ABCG2: variants seen among roughly 807,000 people sequenced by gnomAD.
ABCG2 encodes the protein ATP binding cassette subfamily G member 2 (JR blood group).
In ABCG2, 80 loss-of-function variants were observed where a neutral mutation model predicts 73.5. That is an observed-to-expected ratio of 1.09 (90% CI 0.91 to 1.31). ABCG2 has a LOEUF of 1.31. Among genes scored for constraint, ABCG2 ranks in the 50% most tolerant of loss-of-function variants. The pLI, the probability that ABCG2 is intolerant of heterozygous loss-of-function variation, is 0.00. For synonymous variants in ABCG2, 269 were observed against 282.4 expected (o/e 0.95, Z 0.48); for missense variants, 796 against 786.2 (o/e 1.01, Z -0.15).
intron 1 of ABCG2, among the ~76,000 whole-genome samples, chr4:88,183,085 A>G (rs1728322428): frequency 8.2e-5 from 1 of 12,130 alleles, no homozygotes; most frequent in Non-Finnish European, 1.5e-4. Context: ...ACTCCGTCTC[A>G]TAAAAAAAAA....
chr4:88,230,340 T>C (rs1730415500), intron 1 of ABCG2, among the ~76,000 whole-genome samples: 2 of 136,750 alleles, frequency 1.5e-5, no homozygotes, highest in Admixed American at 7.2e-5. Context: ...TATATATATA[T>C]ATATATTTTT....
At chr4:88,123,595 G>A (rs1185105703) in intron 5 of ABCG2, among the ~76,000 whole-genome samples, 1 of 151,970 alleles carries the variant, frequency 6.6e-6, no homozygotes, top group Admixed American at 6.6e-5. Context: ...ATGAAATAAA[G>A]CGTGAAGACA....
intron 1 of ABCG2, among the ~76,000 whole-genome samples, chr4:88,153,557 T>G (rs36062975): frequency 0.54 from 73,411 of 136,458 alleles, 21,447 homozygotes; most frequent in East Asian, 0.61. Flanking sequence ...GGGATATAAA[T>G]GTTTCACTGA....
At chr4:88,135,775 A>G (rs1364852630) in intron 2 of ABCG2, among the ~76,000 whole-genome samples, 2 of 152,220 alleles carry the variant, frequency 1.3e-5, no homozygotes, top group African/African-American at 2.4e-5. Context: ...AAATGGGATT[A>G]CTTCTAAAAA....
intron 6 of ABCG2, among the ~76,000 whole-genome samples, chr4:88,119,043 T>A (rs761434049): frequency 6.6e-6 from 1 of 152,110 alleles, no homozygotes. Context: ...ATTGTAACAA[T>A]CCCCACATAT....
chr4:88,124,688 C>A (rs550654508), intron 5 of ABCG2, among the ~76,000 whole-genome samples: 1 of 152,282 alleles, frequency 6.6e-6, no homozygotes, highest in East Asian at 1.9e-4. Context: ...TACAAGGAGA[C>A]TTCAGACTCC....
Position 88,113,488 on chromosome 4 carries a change from C to G in ABCG2, c.1009G>C (p.Val337Leu), listed in dbSNP as rs765277045. 1 of 1,614,102 alleles carries G rather than the reference C, an allele frequency of 6.2e-7. No homozygotes were observed. Among genetic ancestry groups the G allele is most frequent in the South Asian group, 1.1e-5 (1 of 91,080 alleles). Residue 337 changes from valine (V) to leucine (L), a missense_variant, in exon 9 of 16, where the codon GTC (valine) becomes CTC (leucine). By Grantham distance (32) the Val-to-Leu change is conservative. Transcript: ENST00000237612. ...GTCTCTTTGTAGAAGGAGGAGTTGA[C>G]ATAAATCTCCGCTAATTTTTCTATG... is the stretch of plus-strand genomic sequence containing the variant. The part of the protein sequence containing the change: ...PLIEKLAEIY[V>L]NSSFYKETKA...
intron 1 of ABCG2, among the ~76,000 whole-genome samples, chr4:88,194,621 C>T (rs1728864936): frequency 7.0e-6 from 1 of 142,124 alleles, no homozygotes; most frequent in South Asian, 2.3e-4. Context: ...GCTATACTGT[C>T]TTTGGAGTGA....
intron 1 of ABCG2, among the ~76,000 whole-genome samples, chr4:88,194,503 TC>T: frequency 8.0e-6 from 1 of 124,754 alleles, no homozygotes; most frequent in Non-Finnish European, 1.6e-5. Context: ...TGAGCCGAGA[TC>T]TGGCCACTGC....
chr4:88,178,294 T>C (rs1428032705), intron 1 of ABCG2, among the ~76,000 whole-genome samples: 1 of 152,092 alleles, frequency 6.6e-6, no homozygotes, highest in African/African-American at 2.4e-5. Context: ...GGATAGCATT[T>C]CTAGAAACAC....
chr4:88,211,357 TG>T (rs1729582892), intron 1 of ABCG2, among the ~76,000 whole-genome samples: 13 of 18,912 alleles, frequency 6.9e-4, no homozygotes, highest in African/African-American at 1.6e-3. Flanking sequence ...GTTCAACCCC[TG>T]CCCCACCCCC....
intron 5 of ABCG2, among the ~76,000 whole-genome samples, chr4:88,129,614 A>G (rs1238596806): frequency 6.6e-6 from 1 of 152,200 alleles, no homozygotes; most frequent in Non-Finnish European, 1.5e-5. Flanking sequence ...GTGGCATCTC[A>G]GAGTTACTCT....
rs2231138 is a variant in ABCG2, at chr4:88,132,566, T to C, written c.263+10A>G. ...ACAGAAAACGCTTACTTATACTCTC[T>C]TATACTCACGAAGATTTGCCTCCAC... On this transcript the variant is annotated intron_variant, in intron 3 of 15. Coordinates refer to ENST00000237612, the MANE Select transcript of ABCG2 (RefSeq NM_004827.3). 0.042 allele frequency: 68,040 copies of C among 1,613,890 alleles called. 3,032 individuals carry two copies. Among genetic ancestry groups the C allele is most frequent in the Admixed American group, 0.19 (11,102 of 59,996 alleles).
chr4:88,149,027 G>C (rs1445834947), intron 1 of ABCG2, among the ~76,000 whole-genome samples: 20 of 152,096 alleles, frequency 1.3e-4, no homozygotes, highest in Non-Finnish European at 2.6e-4. Context: ...AAAATCTGCA[G>C]GAATTCTGCT....
At position 88,131,065 on chromosome 4, in the gene ABCG2, G is replaced by T; in HGVS notation, c.527C>A (p.Ser176Tyr). 2 of 1,613,740 alleles carry T rather than the reference G, an allele frequency of 1.2e-6. No individual in the cohort carries two copies. The highest frequency in any genetic ancestry group is 2.2e-5 in the East Asian group (1 of 44,858). ...QELGLDKVAD[S>Y]KVGTQFIRGV... The stretch of plus-strand genomic sequence containing the variant: ...CTTTCAGTTTTTCCACATTACCTTG[G>T]AGTCTGCCACTTTATCCAGACCTAA... The change falls in exon 5 of 16, where the codon TCC (serine) becomes TAC (tyrosine). Residue 176 changes from serine (S) to tyrosine (Y), a missense_variant. Ser to Tyr is a moderately radical substitution (Grantham distance 144). Transcript: ENST00000237612.
chr4:88,180,809 A>G (rs1728204646), intron 1 of ABCG2, among the ~76,000 whole-genome samples: 1 of 152,146 alleles, frequency 6.6e-6, no homozygotes, highest in Non-Finnish European at 1.5e-5. Context: ...ATGAGCAATA[A>G]GGAATCACCT....
At chr4:88,162,742 G>T (rs759394989), upstream of ABCG2, among the ~76,000 whole-genome samples, 6 of 152,184 alleles carry the variant, frequency 3.9e-5, no homozygotes, top group Admixed American at 2.0e-4. Flanking sequence ...TAGGTCAGAT[G>T]TTAGATGACT....
At chr4:88,175,817 A>C in intron 1 of ABCG2, among the ~76,000 whole-genome samples, 1 of 152,214 alleles carries the variant, frequency 6.6e-6, no homozygotes. Context: ...TTATCTAAGA[A>C]GCTCTGATGC....
upstream of ABCG2, chr4:88,163,716 C>G: frequency 2.5e-6 from 1 of 399,282 alleles, no homozygotes; most frequent in South Asian, 2.0e-5. Flanking sequence ...CTGGGGCACT[C>G]AGAGAGATCC....
Sources: allele counts gnomAD v4.1 joint callset (sites outside exome capture counted in the v4.1 genomes callset), GRCh38; gene constraint gnomAD v4.1.1; transcripts MANE v1.5; gene names NCBI Gene and HGNC (gene_info 2026-07-23, HGNC 2026-07-21).